Variants in TRMT11 observed in about 807,000 individuals in gnomAD.
TRMT11 encodes tRNA methyltransferase 11.
In TRMT11, 53 loss-of-function variants were observed where a neutral mutation model predicts 62.8. That is an observed-to-expected ratio of 0.84 (90% CI 0.68 to 1.06). TRMT11 has a LOEUF of 1.06. TRMT11 is among the 50% of genes least tolerant of loss of function. TRMT11 has a pLI of 0.00. For missense variants in TRMT11, 556 were observed against 553.4 expected (o/e 1.00, Z -0.05); for synonymous variants, 188 against 190.3 (o/e 0.99, Z 0.10).
intron 17 of TRMT11, among the ~76,000 whole-genome samples, chr6:126,055,140 T>C (rs1265873102): frequency 6.6e-6 from 1 of 152,174 alleles, no homozygotes; most frequent in Non-Finnish European, 1.5e-5. Context: ...AAGTTTTATA[T>C]GTTTTGTAGA....
At chr6:126,241,678 A>T in the TRMT11 span, among the ~76,000 whole-genome samples, 1 of 152,246 alleles carries the variant, frequency 6.6e-6, no homozygotes, top group Admixed American at 6.5e-5. Context: ...ATATAAACAG[A>T]ACTAATGACA....
intron 21 of TRMT11, among the ~76,000 whole-genome samples, chr6:126,168,829 G>C (rs2186059): frequency 0.32 from 48,714 of 152,108 alleles, 9,432 homozygotes; most frequent in African/African-American, 0.54. Flanking sequence ...GAAAAGAAAT[G>C]TTATAAAAGT....
intron 21 of TRMT11, among the ~76,000 whole-genome samples, chr6:126,116,873 A>ACTC (rs1223121538): frequency 2.0e-5 from 3 of 151,714 alleles, no homozygotes; most frequent in Admixed American, 2.0e-4. Flanking sequence ...ATTTTCCTAG[A>ACTC]CTCCTTCACT....
rs544859325 is a variant in TRMT11 at position 126,013,788 on chromosome 6, C to T, written c.1139+687C>T. ...AAAATCTAAAATATTTACTCTCTGG[C>T]CCTTTATAGAAAAAGTTTTGCCAGC... On this transcript the variant is annotated intron_variant, in intron 11 of 12. Coordinates refer to ENST00000334379, the MANE Select transcript of TRMT11 (RefSeq NM_001031712.3). Among the ~76,000 whole-genome samples the T allele has an allele frequency of 2.0e-5, 3 of 152,304 alleles. 1 individual carries two copies. The South Asian group carries it at 6.2e-4, about 32-fold the overall frequency.
At chr6:126,075,047 C>T (rs554658108) in intron 17 of TRMT11, among the ~76,000 whole-genome samples, 1 of 152,238 alleles carries the variant, frequency 6.6e-6, no homozygotes, top group African/African-American at 2.4e-5. Flanking sequence ...TTAACATAAG[C>T]TGAACATCCT....
intron 1 of TRMT11, among the ~76,000 whole-genome samples, chr6:126,178,766 G>A (rs1389922606): frequency 6.6e-6 from 1 of 152,082 alleles, no homozygotes; most frequent in South Asian, 2.1e-4. Context: ...TGCTTGGGGA[G>A]CATAAACCTG....
chr6:126,093,501 G>T (rs1777297755), intron 17 of TRMT11, among the ~76,000 whole-genome samples: 1 of 146,714 alleles, frequency 6.8e-6, no homozygotes, highest in Admixed American at 6.9e-5. Flanking sequence ...GATTATAATA[G>T]TGTTTGAGAA....
chr6:126,140,998 A>C (rs1417168125), intron 21 of TRMT11, among the ~76,000 whole-genome samples: 1 of 152,130 alleles, frequency 6.6e-6, no homozygotes, highest in African/African-American at 2.4e-5. Context: ...TCATGAGGGT[A>C]GTTATATTAA....
At chr6:126,010,361 A>G (rs1383757197) in intron 8 of TRMT11, among the ~76,000 whole-genome samples, 3 of 151,824 alleles carry the variant, frequency 2.0e-5, no homozygotes, top group Admixed American at 6.6e-5. Context: ...TTATGTTTAT[A>G]TATTGTTTTT....
chr6:126,101,447 G>T (rs1189445967), intron 17 of TRMT11, among the ~76,000 whole-genome samples: 1 of 152,112 alleles, frequency 6.6e-6, no homozygotes, highest in Non-Finnish European at 1.5e-5. Context: ...AAAGCATCAG[G>T]TGTATCTGTT....
the TRMT11 span, among the ~76,000 whole-genome samples, chr6:126,272,007 G>A: frequency 6.6e-6 from 1 of 152,166 alleles, no homozygotes; most frequent in Non-Finnish European, 1.5e-5. Flanking sequence ...GTTCCTTAAT[G>A]AGGAGAAACT....
At chr6:126,151,903 T>TCC (rs1491236007) in intron 21 of TRMT11, among the ~76,000 whole-genome samples, 417 of 14,920 alleles carry the variant, frequency 0.028, 19 homozygotes, top group African/African-American at 0.039. Flanking sequence ...TTTCTTTCTT[T>TCC]TCTCTTTCTT....
At chr6:126,271,400 T>A in the TRMT11 span, among the ~76,000 whole-genome samples, 1 of 143,344 alleles carries the variant, frequency 7.0e-6, no homozygotes, top group Non-Finnish European at 1.5e-5. Flanking sequence ...AAAGTGAATC[T>A]CATTTGGAAA....
chr6:126,220,831 G>A, the TRMT11 span, among the ~76,000 whole-genome samples: 31 of 152,052 alleles, frequency 2.0e-4, no homozygotes, highest in South Asian at 6.2e-3. Flanking sequence ...CATGTCATGG[G>A]GTTTGGGGTA....
At chr6:126,084,634 G>T (rs922252808) in intron 17 of TRMT11, among the ~76,000 whole-genome samples, 7 of 152,152 alleles carry the variant, frequency 4.6e-5, no homozygotes, top group East Asian at 1.9e-4. Context: ...AAAAATCATT[G>T]CCAAGGCCAA....
chr6:126,013,268 G>T (rs563620545), intron 11 of TRMT11, among the ~76,000 whole-genome samples, 167 bp downstream of exon 11: 1 of 151,660 alleles, frequency 6.6e-6, no homozygotes, highest in East Asian at 1.9e-4. Flanking sequence ...TATTTATTTA[G>T]TTTTTTGAGA....
At chr6:126,226,752 A>G in the TRMT11 span, among the ~76,000 whole-genome samples, 1 of 152,194 alleles carries the variant, frequency 6.6e-6, no homozygotes, top group Non-Finnish European at 1.5e-5. Flanking sequence ...TCATTTTAAA[A>G]TATACATTTT....
At chr6:125,987,781 C>G (rs142286872) in intron 1 of TRMT11, among the ~76,000 whole-genome samples, 388 of 152,182 alleles carry the variant, frequency 2.5e-3, no homozygotes, top group African/African-American at 8.7e-3. Flanking sequence ...AGGAGTGTCT[C>G]CATTTAAAAT....
chr6:126,032,773 G>T (rs930313061), intron 12 of TRMT11, among the ~76,000 whole-genome samples: 1 of 152,070 alleles, frequency 6.6e-6, no homozygotes, highest in African/African-American at 2.4e-5. Flanking sequence ...TGACTCTTTT[G>T]CTCACAATGC....
Sources: allele counts gnomAD v4.1 joint callset (sites outside exome capture counted in the v4.1 genomes callset), GRCh38; gene constraint gnomAD v4.1.1; transcripts MANE v1.5; gene names NCBI Gene and HGNC (gene_info 2026-07-23, HGNC 2026-07-21).